PRKCH: variants seen among roughly 807,000 people sequenced by gnomAD.
The protein encoded by PRKCH is protein kinase C eta type.
PRKCH carries 28 observed loss-of-function variants against 82.5 expected under a neutral mutation model. The observed-to-expected ratio is 0.34, with a 90% confidence interval of 0.25 to 0.47. PRKCH has a LOEUF of 0.47. Among genes scored for constraint, PRKCH ranks in the 20% least tolerant of loss-of-function variants. The probability of loss-of-function intolerance (pLI) is 1.00; values close to 1 mark genes in which losing one functional copy is unlikely to be tolerated. For synonymous variants in PRKCH, 322 were observed against 327.4 expected, an observed-to-expected ratio of 0.98 and a Z score of 0.18; for missense variants, 705 against 881.8, an observed-to-expected ratio of 0.80 and a Z score of 2.54.
At chr14:61,302,525 G>A (rs1048680088) in intron 1 of PRKCH, among the ~76,000 whole-genome samples, 2 of 152,078 alleles carry the variant, frequency 1.3e-5, no homozygotes, top group Non-Finnish European at 2.9e-5. Flanking sequence ...CTTAATTTTG[G>A]GGGGTAGGTT....
intron 3 of PRKCH, 34 bp downstream of exon 3, chr14:61,443,295 GCTTC>G: frequency 6.3e-7 from 1 of 1,594,994 alleles, no homozygotes; most frequent in Non-Finnish European, 8.6e-7. Flanking sequence ...CCTCCTCAGA[GCTTC>G]CATCTAATAG....
At chr14:61,253,866 G>A (rs529100388) in intron 1 of PRKCH, among the ~76,000 whole-genome samples, 9 of 152,172 alleles carry the variant, frequency 5.9e-5, no homozygotes, top group African/African-American at 1.4e-4. Flanking sequence ...TAGCATAGTG[G>A]TGGCTGGCCT....
chr14:61,244,771 G>A (rs996066258), intron 1 of PRKCH, among the ~76,000 whole-genome samples: 2 of 152,152 alleles, frequency 1.3e-5, no homozygotes, highest in African/African-American at 4.8e-5. Flanking sequence ...GCCCTCAACT[G>A]GTCTTCCAAC....
chr14:61,204,420 A>G (rs2044506405), intron 1 of PRKCH, among the ~76,000 whole-genome samples: 1 of 152,202 alleles, frequency 6.6e-6, no homozygotes, highest in Admixed American at 6.5e-5. Flanking sequence ...ATAAAAATAC[A>G]AAAGGGAAAG....
chr14:61,333,132 A>G (rs965647322), intron 1 of PRKCH, among the ~76,000 whole-genome samples: 2 of 152,216 alleles, frequency 1.3e-5, no homozygotes, highest in African/African-American at 4.8e-5. Context: ...TGGGCCTCTT[A>G]GATGCTTTAA....
intron 9 of PRKCH, among the ~76,000 whole-genome samples, chr14:61,468,526 A>G (rs549041399): frequency 1.9e-4 from 29 of 152,306 alleles, no homozygotes; most frequent in South Asian, 8.3e-4. Context: ...CTCTCCGGCT[A>G]CCAGGCTTTC....
intron 10 of PRKCH, among the ~76,000 whole-genome samples, chr14:61,521,539 G>A (rs531663491): frequency 1.3e-5 from 2 of 151,760 alleles, no homozygotes; most frequent in South Asian, 4.2e-4. Context: ...GTACAAGATT[G>A]ATGTTTTTCT....
intron 12 of PRKCH, among the ~76,000 whole-genome samples, chr14:61,533,315 G>A (rs1396885562): frequency 1.9e-4 from 24 of 129,174 alleles, no homozygotes; most frequent in Admixed American, 1.0e-3. Flanking sequence ...AAATCACTAA[G>A]AGGATTTCTG....
At chr14:61,533,650 C>G (rs1566932415) in intron 12 of PRKCH, among the ~76,000 whole-genome samples, 1 of 152,202 alleles carries the variant, frequency 6.6e-6, no homozygotes, top group Non-Finnish European at 1.5e-5. Context: ...CTCTCCATTT[C>G]CTTGGGCAAA....
At chr14:61,188,704 AGTGTGT>A (rs754540967) in intron 1 of PRKCH, among the ~76,000 whole-genome samples, 2,637 of 85,770 alleles carry the variant, frequency 0.031, 271 homozygotes, top group African/African-American at 0.099. Context: ...ACGTTGCTGT[AGTGTGT>A]GTGTGTGTGT....
chr14:61,504,014 C>A (rs1224724860), intron 10 of PRKCH, among the ~76,000 whole-genome samples: 1 of 152,126 alleles, frequency 6.6e-6, no homozygotes, highest in African/African-American at 2.4e-5. Context: ...CAATTAACAA[C>A]ACATTTTAAA....
At chr14:61,411,842 A>G (rs1431500116) in intron 2 of PRKCH, among the ~76,000 whole-genome samples, 2 of 152,206 alleles carry the variant, frequency 1.3e-5, no homozygotes, top group African/African-American at 4.8e-5. Flanking sequence ...GGAAAGCACC[A>G]TTCAAAAGGA....
chr14:61,517,519 C>T (rs867615624), intron 10 of PRKCH, among the ~76,000 whole-genome samples: 5 of 152,132 alleles, frequency 3.3e-5, no homozygotes, highest in African/African-American at 1.2e-4. Context: ...TATGACAGCT[C>T]GGGTGTCTGG....
chr14:61,479,415 G>C (rs1280572353), intron 9 of PRKCH, among the ~76,000 whole-genome samples: 1 of 152,020 alleles, frequency 6.6e-6, no homozygotes, highest in Non-Finnish European at 1.5e-5. Context: ...CTGGAGCATG[G>C]GTAAATGCTG....
intron 10 of PRKCH, among the ~76,000 whole-genome samples, chr14:61,510,350 G>A (rs936834774): frequency 2.0e-5 from 3 of 152,142 alleles, no homozygotes; most frequent in African/African-American, 7.2e-5. Context: ...GTTCAAGTAG[G>A]AGGTCTTCTC....
chr14:61,372,068 G>A (rs189251409), intron 1 of PRKCH, among the ~76,000 whole-genome samples: 1 of 152,088 alleles, frequency 6.6e-6, no homozygotes, highest in Non-Finnish European at 1.5e-5. Context: ...CCATCCTGGT[G>A]GGTTTTTGTT....
chr14:61,472,994 G>C (rs1453058424), intron 9 of PRKCH, among the ~76,000 whole-genome samples: 1 of 152,212 alleles, frequency 6.6e-6, no homozygotes, highest in Non-Finnish European at 1.5e-5. Flanking sequence ...ATGGAGAGAA[G>C]AAAGTCATGA....
intron 1 of PRKCH, among the ~76,000 whole-genome samples, chr14:61,272,085 G>A (rs1035941872): frequency 2.0e-5 from 3 of 151,884 alleles, no homozygotes; most frequent in African/African-American, 4.8e-5. Flanking sequence ...AATATTAGCC[G>A]GGCGTGGTGG....
At chr14:61,503,491 C>T (rs924563187) in intron 10 of PRKCH, among the ~76,000 whole-genome samples, 1 of 152,112 alleles carries the variant, frequency 6.6e-6, no homozygotes, top group African/African-American at 2.4e-5. Flanking sequence ...AGAGCTTGAG[C>T]GTTGTATCTG....
Sources: gnomAD v4.1 joint callset for allele counts (sites outside exome capture counted in the v4.1 genomes callset) on GRCh38, gnomAD v4.1.1 for gene constraint, MANE v1.5 for transcripts, NCBI Gene and HGNC (gene_info 2026-07-23, HGNC 2026-07-21) for gene names.